Variants in OAS3 observed in about 807,000 individuals in gnomAD.
OAS3 encodes the protein 2'-5'-oligoadenylate synthetase 3.
In OAS3, 107 loss-of-function variants were observed where a neutral mutation model predicts 113.0. The observed-to-expected ratio is 0.95, with a 90% CI of 0.81 to 1.11. The LOEUF is 1.11. OAS3 is among the 50% of genes most tolerant of loss of function. The probability of loss-of-function intolerance (pLI) is 0.00; values close to 1 mark genes in which losing one functional copy is unlikely to be tolerated. For synonymous variants in OAS3, 552 were observed against 573.6 expected (o/e 0.96, Z 0.54); for missense variants, 1,258 against 1,389.1 (o/e 0.91, Z 1.50).
Position 112,970,428 on chromosome 12 carries a change from C to T in OAS3, c.*455C>T, listed in dbSNP as rs1482794475. The T allele has an allele frequency of 5.3e-6, 1 of 187,826 alleles. No homozygotes were observed. Among genetic ancestry groups the T allele is most frequent in the South Asian group, 1.2e-4 (1 of 8,028 alleles). The allele number at this position is 187,826 out of a possible 1,614,324, so 11.6% of individuals were successfully genotyped here. A position where few individuals can be genotyped will look rare whatever the true frequency, so the allele number is the denominator to read the frequency against. ...GTTTATATAGGGATGGCAGAGAGTT[C>T]CCATCTCATCTGTCAGCCACAGTCA... is the stretch of plus-strand genomic sequence containing the variant. On this transcript the variant is annotated 3_prime_UTR_variant, in exon 16 of 16. Coordinates refer to ENST00000228928, the MANE Select transcript of OAS3 (RefSeq NM_006187.4).
At chr12:112,966,415 C>T (rs2043934753) in intron 12 of OAS3, among the ~76,000 whole-genome samples, 1 of 152,190 alleles carries the variant, frequency 6.6e-6, no homozygotes, top group Non-Finnish European at 1.5e-5. Flanking sequence ...CCACCTCCTC[C>T]ACCTGCTGCA....
At chr12:112,969,817 G>A (rs2043968492) in intron 15 of OAS3, 62 bp downstream of exon 15, 18 of 1,599,358 alleles carry the variant, frequency 1.1e-5, no homozygotes, top group Admixed American at 1.7e-5. Flanking sequence ...CATGGTCAGG[G>A]GAGGGACATG....
At position 112,938,548 on chromosome 12, in the gene OAS3, C is replaced by T; in HGVS notation, c.18C>T (p.Thr6=). Residue 6 remains threonine (T), a synonymous_variant, in exon 1 of 16, where the codon ACC becomes ACT. Transcript: ENST00000228928. ...GGGCGGCCATGGACTTGTACAGCAC[C>T]CCGGCCGCTGCGCTGGACAGGTTCG... MDLYS[T]PAAALDRFVA... 1.2e-6 allele frequency: 2 copies of T among 1,608,160 alleles called. No homozygotes were observed. Among genetic ancestry groups the T allele is most frequent in the Non-Finnish European group, 1.7e-6 (2 of 1,178,120 alleles).
At position 112,938,522 on chromosome 12, in the gene OAS3, C is replaced by G; in HGVS notation, c.-9C>G. 1 of 1,560,934 alleles carries G rather than the reference C, an allele frequency of 6.4e-7. No individual in the cohort carries two copies. Among genetic ancestry groups the G allele is most frequent in the South Asian group, 1.2e-5 (1 of 84,904 alleles). On this transcript the variant is annotated 5_prime_UTR_variant, in exon 1 of 16. Coordinates refer to ENST00000228928, the MANE Select transcript of OAS3 (RefSeq NM_006187.4). ...GCCCTGCTTCCCCTTGCACCTGCGC[C>G]GGGCGGCCATGGACTTGTACAGCAC...
chr12:112,970,134 G>A lies in OAS3; in HGVS notation c.*161G>A. The A allele has an allele frequency of 1.2e-6, 1 of 808,930 alleles. No homozygotes were observed. The highest frequency in any genetic ancestry group is 2.1e-5 in the Admixed American group (1 of 47,614). 50.1% of individuals were successfully genotyped at this position (808,930 alleles called of 1,614,324 possible). ...CACACGTGTGCATGTGTGTGTTTTA[G>A]TGAATCTGCTCTCCCAGCTCACACA... On this transcript the variant is annotated 3_prime_UTR_variant, in exon 16 of 16. Transcript: ENST00000228928.
At chr12:112,951,862 AATAG>A (rs2043796590) in intron 7 of OAS3, among the ~76,000 whole-genome samples, 1 of 135,578 alleles carries the variant, frequency 7.4e-6, no homozygotes. Flanking sequence ...AAAAAAAAAA[AATAG>A]CCTGGCATGG....
In OAS3 at chr12:112,963,040, CTT is replaced by C. The variant is rs2043902927; in HGVS notation, c.2084+140_2084+141del. ...TCCTCACTCTGCTTCCCTCTGGACT[CTT>C]TGCTGAGGAAGTGTGGACATAAGGA... On this transcript the variant is annotated intron_variant, in intron 9 of 15. Transcript: ENST00000228928. The surrounding 1 kb of genome is among the most constrained non-coding windows in gnomAD (Gnocchi z 4.6). 2 of 1,306,260 alleles carry C rather than the reference CTT, an allele frequency of 1.5e-6. No homozygotes were observed. The highest frequency in any genetic ancestry group is 2.1e-6 in the Non-Finnish European group (2 of 938,822). 80.9% of individuals were successfully genotyped at this position (1,306,260 alleles called of 1,614,324 possible).
At position 112,948,174 on chromosome 12, in the gene OAS3, T is replaced by C. The variant is rs907503684; in HGVS notation, c.1029+75T>C. 5.0e-6 allele frequency: 7 copies of C among 1,392,944 alleles called. No homozygotes were observed. In the East Asian group the frequency reaches 7.9e-5, roughly 16 times the overall value. 86.3% of individuals were successfully genotyped at this position (1,392,944 alleles called of 1,614,324 possible). On this transcript the variant is annotated intron_variant, in intron 5 of 15. Transcript: ENST00000228928. Reference sequence around the variant, plus strand: ...TCCAGTGTTTCCTGAGCATCTACTATGTGCCATATGGTGTGGAACAGGCTT... The same window carrying C: ...TCCAGTGTTTCCTGAGCATCTACTACGTGCCATATGGTGTGGAACAGGCTT...
rs1056094108 is a variant in OAS3, at chr12:112,970,092, A to T, written c.*119A>T. 5 of 1,142,726 alleles carry T rather than the reference A, an allele frequency of 4.4e-6. No individual in the cohort carries two copies. In the African/African-American group the frequency reaches 4.6e-5, roughly 11 times the overall value. The allele number at this position is 1,142,726 out of a possible 1,614,324, so 70.8% of individuals were successfully genotyped here. ...ATTGTGTACATGTGTGTGTGAGCAC[A>T]TGTGTGCATGTGTGTGCACACGTGT... On this transcript the variant is annotated 3_prime_UTR_variant, in exon 16 of 16. Coordinates refer to ENST00000228928, the MANE Select transcript of OAS3 (RefSeq NM_006187.4).
At chr12:112,968,575 G>A (rs1309311968) in intron 14 of OAS3, among the ~76,000 whole-genome samples, 1 of 152,114 alleles carries the variant, frequency 6.6e-6, no homozygotes, top group Non-Finnish European at 1.5e-5. Flanking sequence ...GTGCAATGGC[G>A]CGATCTTGGC....
chr12:112,954,442 C>T lies in OAS3; in HGVS notation c.1657+3467C>T, dbSNP rs1193639814. On this transcript the variant is annotated intron_variant, in intron 7 of 15. Coordinates refer to ENST00000228928, the MANE Select transcript of OAS3 (RefSeq NM_006187.4). This position sits in a 1 kb window ranked among gnomAD's most constrained non-coding sequence, Gnocchi z 4.0. ...AGTAGCTGGGACTACAGGTGCCCGCCACCACATCTGGCTAATTTTTTTGTA... is the reference window on the plus strand; with the variant it reads ...AGTAGCTGGGACTACAGGTGCCCGCTACCACATCTGGCTAATTTTTTTGTA... Among the ~76,000 whole-genome samples, 1 of 152,168 alleles carries T rather than the reference C, an allele frequency of 6.6e-6. No homozygotes were observed. Among genetic ancestry groups the T allele is most frequent in the African/African-American group, 2.4e-5 (1 of 41,440 alleles).
At chr12:112,967,294 G>T in intron 12 of OAS3, 124 bp from the exon 13 acceptor site, 1 of 875,054 alleles carries the variant, frequency 1.1e-6, no homozygotes, top group Non-Finnish European at 1.7e-6. Flanking sequence ...TGGCCTCCCA[G>T]TGGATCCCAG....
intron 8 of OAS3, 51 bp downstream of exon 8, chr12:112,961,297 C>T (rs1358880882): frequency 8.4e-6 from 13 of 1,554,628 alleles, no homozygotes; most frequent in African/African-American, 1.4e-5. Context: ...ATGGCAACCA[C>T]CCCAGCCAAT....
At chr12:112,943,889 T>A (rs1488896968) in intron 2 of OAS3, among the ~76,000 whole-genome samples, 1 of 151,796 alleles carries the variant, frequency 6.6e-6, no homozygotes, top group Admixed American at 6.6e-5. Context: ...AATTTTTGTA[T>A]ATTTTGTTGG....
At chr12:112,966,080 G>T in intron 12 of OAS3, 51 bp downstream of exon 12, 1 of 1,587,482 alleles carries the variant, frequency 6.3e-7, no homozygotes, top group Non-Finnish European at 8.6e-7. Flanking sequence ...AGGCAGGGCC[G>T]CCATGGGCAG....
In OAS3 at chr12:112,946,693, T is replaced by C. The variant is rs188014006; in HGVS notation, c.637-50T>C. On this transcript the variant is annotated intron_variant, in intron 3 of 15. Coordinates refer to ENST00000228928, the MANE Select transcript of OAS3 (RefSeq NM_006187.4). ...GTCTGGTTATGCAGAGAGCTGGCTCTCTTTCCTCCCCTTCTTCCTTCTGAG... is the reference window on the plus strand; with the variant it reads ...GTCTGGTTATGCAGAGAGCTGGCTCCCTTTCCTCCCCTTCTTCCTTCTGAG... 86 of 1,508,678 alleles carry C rather than the reference T, an allele frequency of 5.7e-5. No individual in the cohort carries two copies. The East Asian group carries it at 1.8e-3, about 32-fold the overall frequency. The allele number at this position is 1,508,678 out of a possible 1,614,324, so 93.5% of individuals were successfully genotyped here. A position where few individuals can be genotyped will look rare whatever the true frequency, so the allele number is the denominator to read the frequency against.
At chr12:112,952,403 G>A (rs185573255) in intron 7 of OAS3, among the ~76,000 whole-genome samples, 3 of 152,102 alleles carry the variant, frequency 2.0e-5, no homozygotes, top group South Asian at 2.1e-4. Flanking sequence ...TTATTAAATT[G>A]TACCCATTAC....
chr12:112,939,963 G>A (rs1565972974), intron 1 of OAS3, among the ~76,000 whole-genome samples: 2 of 152,160 alleles, frequency 1.3e-5, no homozygotes, highest in Non-Finnish European at 2.9e-5. Flanking sequence ...GTGAAGTCCC[G>A]TTTCTACCTT....
Position 112,958,897 on chromosome 12 carries a change from C to T in OAS3, c.1658-2174C>T, listed in dbSNP as rs575844961. Among the ~76,000 whole-genome samples the T allele has an allele frequency of 2.0e-5, 3 of 152,370 alleles. No homozygotes were observed. The South Asian group carries it at 6.2e-4, about 32-fold the overall frequency. On this transcript the variant is annotated intron_variant, in intron 7 of 15. Transcript: ENST00000228928. ...TGTCAGACAGGGACGTTTAAGTCTGCAGAAGTTTCTGCTGCCTTTTGTTCA... is the reference window on the plus strand; with the variant it reads ...TGTCAGACAGGGACGTTTAAGTCTGTAGAAGTTTCTGCTGCCTTTTGTTCA...
Sources: allele counts gnomAD v4.1 joint callset (sites outside exome capture counted in the v4.1 genomes callset), GRCh38; gene constraint gnomAD v4.1.1; non-coding constraint Gnocchi (gnomAD v3.1); transcripts MANE v1.5; gene names NCBI Gene and HGNC (gene_info 2026-07-23, HGNC 2026-07-21).